The following SCHIP1 variants were observed in gnomAD, a reference collection of about 807,000 sequenced individuals.
SCHIP1 encodes the protein schwannomin-interacting protein 1.
SCHIP1 carries 8 observed loss-of-function variants against 29.7 expected under a neutral mutation model. The ratio of observed to expected loss-of-function variants is 0.27; its 90% CI spans 0.16 to 0.49. The LOEUF (loss-of-function observed/expected upper bound fraction) is 0.49, where lower values mean the gene tolerates loss of function less well. Ranked by LOEUF, SCHIP1 falls within the 20% of genes least tolerant of loss-of-function variation. The pLI, the probability that SCHIP1 is intolerant of heterozygous loss-of-function variation, is 0.99. For missense variants in SCHIP1, 193 were observed against 294.6 expected (o/e 0.66, Z 2.52); for synonymous variants, 76 against 94.9 (o/e 0.80, Z 1.16).
chr3:159,301,446 G>C, the SCHIP1 span, among the ~76,000 whole-genome samples: 5 of 152,166 alleles, frequency 3.3e-5, no homozygotes, highest in Admixed American at 6.6e-5. Flanking sequence ...CACTTGAGGA[G>C]TGAAACTACA....
chr3:159,642,334 C>A, the SCHIP1 span, among the ~76,000 whole-genome samples: 1 of 151,970 alleles, frequency 6.6e-6, no homozygotes, highest in Non-Finnish European at 1.5e-5. Flanking sequence ...AATCCCCTAT[C>A]CCTACATAGA....
At chr3:159,824,997 T>C in the SCHIP1 span, among the ~76,000 whole-genome samples, 7 of 152,220 alleles carry the variant, frequency 4.6e-5, no homozygotes, top group Admixed American at 2.6e-4. Flanking sequence ...CTACTGGCCA[T>C]TTTGCCTTCT....
intron 1 of SCHIP1, among the ~76,000 whole-genome samples, chr3:159,849,434 G>A (rs190987240): frequency 8.5e-5 from 13 of 152,242 alleles, no homozygotes; most frequent in African/African-American, 2.4e-4. Flanking sequence ...GTTAGCTATC[G>A]ATTATAGGTT....
chr3:159,418,482 G>T, the SCHIP1 span, among the ~76,000 whole-genome samples: 3 of 152,142 alleles, frequency 2.0e-5, no homozygotes, highest in South Asian at 2.1e-4. Flanking sequence ...GACGAGAAAG[G>T]TTTCTAGCCT....
the SCHIP1 span, among the ~76,000 whole-genome samples, chr3:159,698,562 C>G: frequency 6.6e-6 from 1 of 152,180 alleles, no homozygotes; most frequent in East Asian, 1.9e-4. Context: ...TACAGAAGAT[C>G]CCTCAACCTC....
At chr3:159,768,046 G>A in the SCHIP1 span, among the ~76,000 whole-genome samples, 1 of 152,160 alleles carries the variant, frequency 6.6e-6, no homozygotes, top group Admixed American at 6.5e-5. Context: ...TTACAGTTGA[G>A]AAAATTGAAG....
chr3:159,382,363 T>C, the SCHIP1 span, among the ~76,000 whole-genome samples: 1 of 151,344 alleles, frequency 6.6e-6, no homozygotes, highest in African/African-American at 2.4e-5. Context: ...CGGTGTTTGA[T>C]TTTTTGTTCT....
intron 2 of SCHIP1, among the ~76,000 whole-genome samples, chr3:159,879,847 C>T (rs1716259108): frequency 1.3e-5 from 2 of 152,100 alleles, no homozygotes; most frequent in African/African-American, 4.8e-5. Context: ...CGATGTTTCT[C>T]CAAAGAAAAG....
chr3:159,389,715 C>T, the SCHIP1 span, among the ~76,000 whole-genome samples: 1 of 151,914 alleles, frequency 6.6e-6, no homozygotes, highest in Non-Finnish European at 1.5e-5. Flanking sequence ...AAAAAATTTG[C>T]CCAAGAGTTG....
chr3:159,780,610 A>C, the SCHIP1 span, among the ~76,000 whole-genome samples: 1 of 152,240 alleles, frequency 6.6e-6, no homozygotes, highest in East Asian at 1.9e-4. Context: ...AAAGTGTCAT[A>C]AATGTAACAT....
the SCHIP1 span, among the ~76,000 whole-genome samples, chr3:159,642,252 TAA>T: frequency 6.6e-6 from 1 of 152,138 alleles, no homozygotes; most frequent in African/African-American, 2.4e-5. Context: ...TGAGTAGTGA[TAA>T]GAGTAATACT....
At chr3:159,514,724 C>T in the SCHIP1 span, among the ~76,000 whole-genome samples, 1 of 152,076 alleles carries the variant, frequency 6.6e-6, no homozygotes, top group Admixed American at 6.5e-5. Flanking sequence ...GAATCTCAAC[C>T]CACTCTATCA....
At chr3:159,511,477 G>T in the SCHIP1 span, among the ~76,000 whole-genome samples, 1 of 152,116 alleles carries the variant, frequency 6.6e-6, no homozygotes, top group Non-Finnish European at 1.5e-5. Context: ...CCACTGTCCT[G>T]CCCCCACTGT....
chr3:159,395,535 G>T, the SCHIP1 span, among the ~76,000 whole-genome samples: 1 of 151,672 alleles, frequency 6.6e-6, no homozygotes, highest in African/African-American at 2.4e-5. Context: ...GTTCTCGTTG[G>T]TTTCAAAGAA....
chr3:159,554,269 G>C, the SCHIP1 span, among the ~76,000 whole-genome samples: 1 of 152,108 alleles, frequency 6.6e-6, no homozygotes, highest in Non-Finnish European at 1.5e-5. Context: ...AATGCAGAAA[G>C]TTAGCCATGA....
At chr3:159,511,024 G>C in the SCHIP1 span, among the ~76,000 whole-genome samples, 1 of 152,232 alleles carries the variant, frequency 6.6e-6, no homozygotes, top group East Asian at 1.9e-4. Flanking sequence ...AGTCTGCAGA[G>C]GTTTCTGCTG....
At chr3:159,817,134 G>C in the SCHIP1 span, among the ~76,000 whole-genome samples, 1 of 152,026 alleles carries the variant, frequency 6.6e-6, no homozygotes, top group South Asian at 2.1e-4. Context: ...ATAAATATGC[G>C]TGGATTAAAT....
the SCHIP1 span, among the ~76,000 whole-genome samples, chr3:159,719,501 A>G: frequency 6.6e-6 from 1 of 152,348 alleles, no homozygotes; most frequent in Non-Finnish European, 1.5e-5. Context: ...AAGGGCTAAT[A>G]TCCAGAATCT....
the SCHIP1 span, among the ~76,000 whole-genome samples, chr3:159,289,649 A>G: frequency 6.6e-6 from 1 of 152,196 alleles, no homozygotes; most frequent in Non-Finnish European, 1.5e-5. Context: ...TTACTTGTTT[A>G]TATTGTTTGT....
Sources: allele counts gnomAD v4.1 joint callset (sites outside exome capture counted in the v4.1 genomes callset), GRCh38; gene constraint gnomAD v4.1.1; transcripts MANE v1.5; gene names NCBI Gene and HGNC (gene_info 2026-07-23, HGNC 2026-07-21).